QRFPR: variants seen among roughly 807,000 people sequenced by gnomAD.
QRFPR encodes pyroglutamylated RF-amide peptide receptor.
QRFPR carries 37 observed loss-of-function variants against 31.3 expected under a neutral mutation model. The ratio of observed to expected loss-of-function variants is 1.18; its 90% CI spans 0.91 to 1.56. QRFPR has a LOEUF of 1.56. Ranked by LOEUF, QRFPR falls within the 40% of genes most tolerant of loss-of-function variation. QRFPR has a pLI of 0.00. For synonymous variants in QRFPR, 197 were observed against 192.0 expected, an observed-to-expected ratio of 1.03 and a Z score of -0.22; for missense variants, 542 against 532.5, an observed-to-expected ratio of 1.02 and a Z score of -0.18.
In QRFPR at chr4:121,329,683, T is replaced by G; in HGVS notation, c.927A>C (p.Thr309=). Residue 309 remains threonine, a synonymous_variant, in exon 6 of 6, where the codon ACA becomes ACC. Transcript: ENST00000394427. ...GCACGATAGCAAAAATCATCTTGAT[T>G]GTGACATCATCATATTCCTTTTCAA... is the stretch of plus-strand genomic sequence containing the variant. ...SNFEKEYDDV[T]IKMIFAIVQI... The G allele has an allele frequency of 6.4e-7, 1 of 1,566,772 alleles. No individual in the cohort carries two copies. Among genetic ancestry groups the G allele is most frequent in the Non-Finnish European group, 8.6e-7 (1 of 1,156,188 alleles).
At position 121,340,339 on chromosome 4, in the gene QRFPR, T is replaced by G; in HGVS notation, c.499+113A>C. On this transcript the variant is annotated intron_variant, in intron 2 of 5. Coordinates refer to ENST00000394427, the MANE Select transcript of QRFPR (RefSeq NM_198179.3). The stretch of plus-strand genomic sequence containing the variant: ...AAGCACTGAAACTCTCAAATTATAT[T>G]CCAATGCCTACAAGTTAGATAAGAA... 2 of 1,152,372 alleles carry G rather than the reference T, an allele frequency of 1.7e-6. 1 individual carries two copies. Among genetic ancestry groups the G allele is most frequent in the South Asian group, 2.7e-5 (2 of 74,346 alleles). 71.4% of individuals were successfully genotyped at this position (1,152,372 alleles called of 1,614,324 possible).
chr4:121,342,630 A>C (rs1045753210), intron 1 of QRFPR, among the ~76,000 whole-genome samples: 34 of 151,722 alleles, frequency 2.2e-4, no homozygotes, highest in Non-Finnish European at 4.1e-4. Flanking sequence ...TTTGTTTTTT[A>C]TTTTTATTAT....
chr4:121,359,853 C>G (rs1275147360), intron 1 of QRFPR, among the ~76,000 whole-genome samples: 3 of 151,558 alleles, frequency 2.0e-5, no homozygotes, highest in African/African-American at 7.3e-5. Flanking sequence ...TTCTGTTCCT[C>G]TAGGGAACCC....
intron 1 of QRFPR, among the ~76,000 whole-genome samples, chr4:121,353,896 A>G (rs1725812884): frequency 1.3e-5 from 2 of 152,058 alleles, no homozygotes; most frequent in Admixed American, 6.6e-5. Context: ...TAATGGCAAG[A>G]GATAGGGGTC....
At position 121,365,964 on chromosome 4, in the gene QRFPR, A is replaced by G. The variant is rs1726128867; in HGVS notation, c.340+14344T>C. Reference sequence around the variant, plus strand: ...CTTGCGGGCTGGGTTACTTATAGTCAGTGTGCAAGAGTCAATTTTCACAAA... The same window carrying G: ...CTTGCGGGCTGGGTTACTTATAGTCGGTGTGCAAGAGTCAATTTTCACAAA... On this transcript the variant is annotated intron_variant, in intron 1 of 5. Transcript: ENST00000394427. Among the ~76,000 whole-genome samples, 6 of 148,162 alleles carry G rather than the reference A, an allele frequency of 4.0e-5. No individual in the cohort carries two copies. The South Asian group carries it at 1.1e-3, about 26-fold the overall frequency.
Position 121,329,478 on chromosome 4 carries a change from G to C in QRFPR, c.1132C>G (p.Leu378Val), listed in dbSNP as rs746824955. Residue 378 changes from leucine (L) to valine (V), a missense_variant, in exon 6 of 6, where the codon CTC becomes GTC. Leu to Val is a conservative substitution (Grantham distance 32). Coordinates refer to ENST00000394427, the MANE Select transcript of QRFPR (RefSeq NM_198179.3). ...GTTTCCTCCACTGGATTCTCTCTGAGGGAAAACTTTGCTTTCTTCCGCATC... is the reference window on the plus strand; with the variant it reads ...GTTTCCTCCACTGGATTCTCTCTGACGGAAAACTTTGCTTTCTTCCGCATC... Reference protein sequence around the residue: ...TMMRKKAKFSLRENPVEETKG... With the variant: ...TMMRKKAKFSVRENPVEETKG... The C allele has an allele frequency of 1.9e-6, 3 of 1,614,074 alleles. No homozygotes were observed. The highest frequency in any genetic ancestry group is 2.5e-6 in the Non-Finnish European group (3 of 1,180,006).
At chr4:121,380,156 C>A in intron 1 of QRFPR, 152 bp downstream of exon 1, 1 of 600,714 alleles carries the variant, frequency 1.7e-6, no homozygotes, top group Non-Finnish European at 2.8e-6. Context: ...AAGGAAGAGA[C>A]AGACGAGAGA....
intron 1 of QRFPR, among the ~76,000 whole-genome samples, chr4:121,364,868 C>T (rs180753753): frequency 6.7e-6 from 1 of 149,380 alleles, no homozygotes; most frequent in Non-Finnish European, 1.5e-5. Flanking sequence ...AGATTAACCA[C>T]CATAGCAGTA....
At chr4:121,377,353 C>A (rs1479686274) in intron 1 of QRFPR, among the ~76,000 whole-genome samples, 1 of 151,982 alleles carries the variant, frequency 6.6e-6, no homozygotes, top group Non-Finnish European at 1.5e-5. Context: ...CCTACCTCAC[C>A]CCTGAAGGAA....
intron 1 of QRFPR, among the ~76,000 whole-genome samples, chr4:121,349,811 A>C (rs1331206119): frequency 6.6e-6 from 1 of 152,216 alleles, no homozygotes; most frequent in African/African-American, 2.4e-5. Context: ...CAAATTGTTC[A>C]TACGCATGCT....
At chr4:121,359,703 A>T (rs193271510) in intron 1 of QRFPR, among the ~76,000 whole-genome samples, 21 of 148,682 alleles carry the variant, frequency 1.4e-4, no homozygotes, top group African/African-American at 4.7e-4. Flanking sequence ...ATATGTGTGT[A>T]TGTGTGTGTG....
intron 1 of QRFPR, chr4:121,370,381 A>T: frequency 1.1e-5 from 8 of 719,822 alleles, no homozygotes; most frequent in South Asian, 8.2e-5. Flanking sequence ...TTCTATATAG[A>T]ATCCCTGCCA....
At chr4:121,330,105 T>C (rs973645885) in intron 5 of QRFPR, among the ~76,000 whole-genome samples, 2 of 152,182 alleles carry the variant, frequency 1.3e-5, no homozygotes, top group Non-Finnish European at 2.9e-5. Context: ...GTCTGACTGT[T>C]CAAGTCAGGG....
chr4:121,366,113 C>A (rs967409609), intron 1 of QRFPR, among the ~76,000 whole-genome samples: 1 of 149,390 alleles, frequency 6.7e-6, no homozygotes, highest in African/African-American at 2.5e-5. Context: ...AGGGCCAAAG[C>A]AGGTGGTGAA....
chr4:121,367,882 AT>A (rs33979199), intron 1 of QRFPR, among the ~76,000 whole-genome samples: 12 of 144,320 alleles, frequency 8.3e-5, no homozygotes, highest in Non-Finnish European at 9.1e-5. Flanking sequence ...ACATTTGCAG[AT>A]TTTTTTTTTT....
At chr4:121,332,450 G>A (rs377488794) in intron 4 of QRFPR, among the ~76,000 whole-genome samples, 27 of 152,118 alleles carry the variant, frequency 1.8e-4, no homozygotes, top group African/African-American at 4.6e-4. Flanking sequence ...GTACATATGC[G>A]GGAAGCAGGG....
At chr4:121,354,142 C>T (rs373061079) in intron 1 of QRFPR, among the ~76,000 whole-genome samples, 6 of 151,902 alleles carry the variant, frequency 3.9e-5, no homozygotes, top group East Asian at 1.9e-4. Flanking sequence ...TCAGATCGTG[C>T]GGTTTTTCCA....
At chr4:121,373,532 A>T (rs1007551391) in intron 1 of QRFPR, among the ~76,000 whole-genome samples, 7 of 152,110 alleles carry the variant, frequency 4.6e-5, no homozygotes, top group Admixed American at 2.6e-4. Context: ...AGCTTTTATC[A>T]TTTCTGTTGA....
At chr4:121,374,685 C>T (rs935840630) in intron 1 of QRFPR, among the ~76,000 whole-genome samples, 12 of 152,188 alleles carry the variant, frequency 7.9e-5, no homozygotes, top group African/African-American at 2.9e-4. Flanking sequence ...AGATGATTTA[C>T]TACATGTTGC....
Sources: allele counts gnomAD v4.1 joint callset (sites outside exome capture counted in the v4.1 genomes callset), GRCh38; gene constraint gnomAD v4.1.1; transcripts MANE v1.5; gene names NCBI Gene and HGNC (gene_info 2026-07-23, HGNC 2026-07-21).